PARP8: variants seen among roughly 807,000 people sequenced by gnomAD.
PARP8 encodes protein mono-ADP-ribosyltransferase PARP8.
PARP8 carries 51 observed loss-of-function variants against 124.1 expected under a neutral mutation model. The observed-to-expected ratio is 0.41, with a 90% CI of 0.33 to 0.52. The LOEUF (loss-of-function observed/expected upper bound fraction) is 0.52, where lower values mean the gene tolerates loss of function less well. PARP8 is among the 20% of genes least tolerant of loss of function. The probability of loss-of-function intolerance (pLI) is 0.21; values close to 1 mark genes in which losing one functional copy is unlikely to be tolerated. For synonymous variants in PARP8, 391 were observed against 361.5 expected (o/e 1.08, Z -0.93); for missense variants, 860 against 1,018.9 (o/e 0.84, Z 2.12).
intron 9 of PARP8, 82 bp downstream of exon 9, chr5:50,778,732 C>A: frequency 1.3e-6 from 1 of 793,356 alleles, no homozygotes; most frequent in Non-Finnish European, 1.9e-6. Flanking sequence ...GTTCATTTGT[C>A]AGTTCTGAGC....
rs1299211916 is a variant in PARP8, at chr5:50,843,000, A to C, written c.*932A>C. Reference sequence around the variant, plus strand: ...AAACCATATATATTTTTTATTTACTACAAAAAAATTATACAATTTTATTTA... The same window carrying C: ...AAACCATATATATTTTTTATTTACTCCAAAAAAATTATACAATTTTATTTA... On this transcript the variant is annotated 3_prime_UTR_variant, in exon 26 of 26. Transcript: ENST00000281631. The C allele has an allele frequency of 6.6e-6, 1 of 151,756 alleles. No homozygotes were observed. Among genetic ancestry groups the C allele is most frequent in the Non-Finnish European group, 1.5e-5 (1 of 67,804 alleles). 9.4% of individuals were successfully genotyped at this position (151,756 alleles called of 1,614,324 possible).
intron 22 of PARP8, among the ~76,000 whole-genome samples, chr5:50,832,078 T>C (rs1463855363): frequency 2.0e-5 from 3 of 152,194 alleles, no homozygotes; most frequent in Non-Finnish European, 2.9e-5. Context: ...TAAATGTACT[T>C]TGCAAAATTT....
chr5:50,804,414 G>A (rs1428247639), intron 14 of PARP8, among the ~76,000 whole-genome samples: 7 of 152,112 alleles, frequency 4.6e-5, no homozygotes, highest in Non-Finnish European at 7.4e-5. Flanking sequence ...ATGGAAGATT[G>A]GATTAGGGTA....
chr5:50,694,286 G>T (rs2149465337), intron 2 of PARP8, among the ~76,000 whole-genome samples: 1 of 152,234 alleles, frequency 6.6e-6, no homozygotes, highest in East Asian at 1.9e-4. Context: ...CTTAGTGTGG[G>T]ATATTAGAAT....
At chr5:50,668,147 C>G (rs368223986) in intron 2 of PARP8, 22 bp downstream of exon 2, 11 of 1,560,548 alleles carry the variant, frequency 7.0e-6, no homozygotes, top group Non-Finnish European at 9.7e-6. Context: ...TATAGAGTTG[C>G]TTCATTTCCT....
At chr5:50,733,291 C>CA (rs996047538) in intron 2 of PARP8, among the ~76,000 whole-genome samples, 8 of 150,604 alleles carry the variant, frequency 5.3e-5, no homozygotes, top group African/African-American at 1.7e-4. Flanking sequence ...CTCAAAAAAA[C>CA]AAAAAAACCA....
chr5:50,832,657 A>G, intron 22 of PARP8, 124 bp from the exon 23 acceptor site: 1 of 860,368 alleles, frequency 1.2e-6, no homozygotes, highest in Non-Finnish European at 1.8e-6. Flanking sequence ...GCCCTTTGTT[A>G]CTGTCTCTAG....
chr5:50,754,954 A>C (rs1580219187), intron 3 of PARP8, among the ~76,000 whole-genome samples: 1 of 152,064 alleles, frequency 6.6e-6, no homozygotes, highest in East Asian at 1.9e-4. Flanking sequence ...GCATTTTTTC[A>C]TGTGTCTGTT....
intron 2 of PARP8, among the ~76,000 whole-genome samples, chr5:50,674,124 A>G (rs568709676): frequency 6.6e-6 from 1 of 152,338 alleles, no homozygotes; most frequent in East Asian, 1.9e-4. Flanking sequence ...TCATTTCACC[A>G]TGACATAAGT....
chr5:50,798,799 C>T (rs1387647295), intron 14 of PARP8, among the ~76,000 whole-genome samples: 1 of 152,126 alleles, frequency 6.6e-6, no homozygotes, highest in African/African-American at 2.4e-5. Context: ...CTAAAAGATA[C>T]TAAAATATTT....
intron 2 of PARP8, among the ~76,000 whole-genome samples, chr5:50,670,060 G>A (rs1231699889): frequency 2.0e-5 from 3 of 152,162 alleles, no homozygotes; most frequent in Non-Finnish European, 4.4e-5. Flanking sequence ...GTACCTAATG[G>A]CGAATACCTT....
At chr5:50,691,989 A>G (rs1052695180) in intron 2 of PARP8, among the ~76,000 whole-genome samples, 2 of 152,164 alleles carry the variant, frequency 1.3e-5, no homozygotes, top group Admixed American at 1.3e-4. Context: ...TTCCATTCCA[A>G]CTTCCTCTAC....
At chr5:50,691,940 T>C (rs944503742) in intron 2 of PARP8, among the ~76,000 whole-genome samples, 2 of 152,192 alleles carry the variant, frequency 1.3e-5, no homozygotes, top group African/African-American at 4.8e-5. Flanking sequence ...CTATTTGTTA[T>C]CATATCAGTC....
Position 50,843,138 on chromosome 5 carries a change from TTA to T in PARP8, c.*1073_*1074del, listed in dbSNP as rs2149737791. 6.6e-6 allele frequency: 1 copy of T among 151,866 alleles called. No homozygotes were observed. The highest frequency in any genetic ancestry group is 2.4e-5 in the African/African-American group (1 of 41,504). 9.4% of individuals were successfully genotyped at this position (151,866 alleles called of 1,614,324 possible). A position where few individuals can be genotyped will look rare whatever the true frequency, so the allele number is the denominator to read the frequency against. ...TTATATTAAAAGACCACAAATAAGTTTATAGAGAACAGTAACACCAGCTCTCA... is the reference window on the plus strand; with the variant it reads ...TTATATTAAAAGACCACAAATAAGTTTAGAGAACAGTAACACCAGCTCTCA... On this transcript the variant is annotated 3_prime_UTR_variant, in exon 26 of 26. Coordinates refer to ENST00000281631, the MANE Select transcript of PARP8 (RefSeq NM_024615.4).
chr5:50,709,953 T>C (rs199578839), intron 2 of PARP8, among the ~76,000 whole-genome samples: 5,436 of 74,948 alleles, frequency 0.073, 200 homozygotes, highest in Middle Eastern at 0.18. Context: ...TATATATATA[T>C]ATACACATAC....
chr5:50,726,357 C>G (rs1756430455), intron 2 of PARP8, among the ~76,000 whole-genome samples: 1 of 152,060 alleles, frequency 6.6e-6, no homozygotes, highest in African/African-American at 2.4e-5. Flanking sequence ...TATGTGTAAT[C>G]TAGTTCATTA....
chr5:50,740,831 A>C (rs1193817030), intron 2 of PARP8, among the ~76,000 whole-genome samples: 1 of 150,382 alleles, frequency 6.6e-6, no homozygotes, highest in African/African-American at 2.5e-5. Context: ...AAAAAAAAAA[A>C]GATTATATAT....
intron 2 of PARP8, among the ~76,000 whole-genome samples, chr5:50,676,879 T>C (rs544375254): frequency 2.0e-5 from 3 of 152,294 alleles, no homozygotes; most frequent in African/African-American, 7.2e-5. Context: ...TATTAAGCTT[T>C]AGGGAACCAC....
intron 15 of PARP8, among the ~76,000 whole-genome samples, chr5:50,816,401 C>A (rs1745108157): frequency 6.6e-6 from 1 of 152,100 alleles, no homozygotes; most frequent in African/African-American, 2.4e-5. Flanking sequence ...TTTGCTAATA[C>A]AAACTATAGG....
Sources: gnomAD v4.1 joint callset for allele counts (sites outside exome capture counted in the v4.1 genomes callset) on GRCh38, gnomAD v4.1.1 for gene constraint, MANE v1.5 for transcripts, NCBI Gene and HGNC (gene_info 2026-07-23, HGNC 2026-07-21) for gene names.